FSIP1: variants seen among roughly 807,000 people sequenced by gnomAD.
FSIP1 encodes fibrous sheath-interacting protein 1.
FSIP1 carries 65 observed loss-of-function variants against 60.9 expected under a neutral mutation model. That is an observed-to-expected ratio of 1.07 (90% CI 0.87 to 1.31). The LOEUF is 1.31. Ranked by LOEUF, FSIP1 falls within the 40% of genes most tolerant of loss-of-function variation. The pLI is 0.00. For synonymous variants in FSIP1, 209 were observed against 221.2 expected (o/e 0.94, Z 0.49); for missense variants, 675 against 665.5 (o/e 1.01, Z -0.16).
At position 39,718,493 on chromosome 15, in the gene FSIP1, C is replaced by CTT. The variant is rs11422776; in HGVS notation, c.1051-4914_1051-4913dup. ...TTATCAATTTCATAAGCAGACAAACCTTTTTTTTTTTTTTTGAGACACGGT... is the reference window on the plus strand; with the variant it reads ...TTATCAATTTCATAAGCAGACAAACCTTTTTTTTTTTTTTTTTGAGACACGGT... On this transcript the variant is annotated intron_variant, in intron 9 of 11. Coordinates refer to ENST00000350221, the MANE Select transcript of FSIP1 (RefSeq NM_152597.5). Among the ~76,000 whole-genome samples, 290 of 139,292 alleles carry CTT rather than the reference C, an allele frequency of 2.1e-3. 10 individuals carry two copies. Among genetic ancestry groups the CTT allele is most frequent in the South Asian group, 3.9e-3 (17 of 4,414 alleles). The allele number at this position is 139,292 out of a possible 152,430, so 91.4% of individuals were successfully genotyped here.
downstream of FSIP1, chr15:39,598,703 G>A (rs987708996): frequency 3.9e-5 from 6 of 152,158 alleles, no homozygotes; most frequent in African/African-American, 1.2e-4. Flanking sequence ...ATGTCATCGA[G>A]ATGATAGCTT....
chr15:39,714,954 C>T (rs376628017), intron 9 of FSIP1, among the ~76,000 whole-genome samples: 3 of 109,362 alleles, frequency 2.7e-5, no homozygotes, highest in African/African-American at 1.0e-4. Flanking sequence ...GACTGGGCAA[C>T]AGAATGAGAC....
Position 39,600,900 on chromosome 15 carries a change from C to T in FSIP1, c.1726G>A (p.Glu576Lys), listed in dbSNP as rs1890615630. 2 of 1,611,048 alleles carry T rather than the reference C, an allele frequency of 1.2e-6. No individual in the cohort carries two copies. Among genetic ancestry groups the T allele is most frequent in the Non-Finnish European group, 1.7e-6 (2 of 1,179,008 alleles). Residue 576 changes from glutamate (E) to lysine (K), a missense_variant, in exon 12 of 12, where the codon GAA becomes AAA. Transcript: ENST00000350221. ...ADEQETKDAA[E>K]ECKEP Reference sequence around the variant, plus strand: ...CTTGATTAGGGTTCTTTACATTCTTCTGCTGCATCTTTAGTCTCCTGCTCA... The same window carrying T: ...CTTGATTAGGGTTCTTTACATTCTTTTGCTGCATCTTTAGTCTCCTGCTCA...
At chr15:39,654,233 G>A (rs1432223516) in intron 10 of FSIP1, among the ~76,000 whole-genome samples, 1 of 152,142 alleles carries the variant, frequency 6.6e-6, no homozygotes. Context: ...CAGTAATATA[G>A]TCATTTATTA....
downstream of FSIP1, among the ~76,000 whole-genome samples, chr15:39,599,710 AC>A (rs1405196255): frequency 6.6e-6 from 1 of 152,064 alleles, no homozygotes; most frequent in Non-Finnish European, 1.5e-5. Context: ...TCCCACCCAA[AC>A]CCTAAAACAC....
At chr15:39,721,423 C>T (rs1895973608) in intron 9 of FSIP1, among the ~76,000 whole-genome samples, 1 of 152,212 alleles carries the variant, frequency 6.6e-6, no homozygotes, top group African/African-American at 2.4e-5. Flanking sequence ...ATACACTTTC[C>T]GTACTTTTCA....
chr15:39,617,618 C>T (rs1047550709), intron 11 of FSIP1, 117 bp downstream of exon 11: 47 of 819,650 alleles, frequency 5.7e-5, no homozygotes, highest in Admixed American at 5.1e-4. Flanking sequence ...CTCTTATTGA[C>T]GCTACCTGTG....
intron 1 of FSIP1, 116 bp downstream of exon 1, chr15:39,782,512 C>A (rs1898307957): frequency 6.7e-6 from 1 of 148,288 alleles, no homozygotes; most frequent in Non-Finnish European, 1.5e-5. Flanking sequence ...TTGGCCCTGT[C>A]CGCTCTCCCT....
chr15:39,630,227 A>T (rs554904848), intron 10 of FSIP1, among the ~76,000 whole-genome samples: 1 of 152,370 alleles, frequency 6.6e-6, no homozygotes, highest in South Asian at 2.1e-4. Context: ...ACTGCTGAGA[A>T]TAAGGATACT....
At chr15:39,655,721 T>C (rs149589778) in intron 10 of FSIP1, among the ~76,000 whole-genome samples, 1 of 152,118 alleles carries the variant, frequency 6.6e-6, no homozygotes, top group Non-Finnish European at 1.5e-5. Flanking sequence ...AACCCCATCC[T>C]CCTTATTCAG....
chr15:39,658,549 C>G (rs939073874), intron 10 of FSIP1, among the ~76,000 whole-genome samples: 40 of 152,238 alleles, frequency 2.6e-4, no homozygotes, highest in African/African-American at 7.2e-4. Flanking sequence ...CGCAACTGGC[C>G]TAAACAGACA....
chr15:39,727,985 A>G (rs1595668639), intron 8 of FSIP1, among the ~76,000 whole-genome samples: 1 of 152,186 alleles, frequency 6.6e-6, no homozygotes, highest in African/African-American at 2.4e-5. Context: ...ATTTCTATAT[A>G]CCAGCAACAC....
In FSIP1 at chr15:39,600,583, T is replaced by C. The variant is rs1890603134; in HGVS notation, c.*297A>G. 1 of 242,152 alleles carries C rather than the reference T, an allele frequency of 4.1e-6. No individual in the cohort carries two copies. The highest frequency in any genetic ancestry group is 9.3e-5 in the South Asian group (1 of 10,704). 15.0% of individuals were successfully genotyped at this position (242,152 alleles called of 1,614,324 possible). On this transcript the variant is annotated 3_prime_UTR_variant, in exon 12 of 12. Transcript: ENST00000350221. The stretch of plus-strand genomic sequence containing the variant: ...ACAATCACAGCACTTCAACGAGTTT[T>C]ACCCTAACACGTATACATTAAAATG...
At chr15:39,604,033 G>C (rs1413995415) in intron 11 of FSIP1, among the ~76,000 whole-genome samples, 1 of 152,194 alleles carries the variant, frequency 6.6e-6, no homozygotes, top group Non-Finnish European at 1.5e-5. Context: ...CCGAGTTCAA[G>C]CGATTCTCCT....
At chr15:39,603,970 T>G (rs1315690390) in intron 11 of FSIP1, among the ~76,000 whole-genome samples, 1 of 152,170 alleles carries the variant, frequency 6.6e-6, no homozygotes, top group Non-Finnish European at 1.5e-5. Context: ...TTGTTGTTGT[T>G]GCCCAGGCTG....
At chr15:39,760,815 C>G (rs1315868997) in intron 5 of FSIP1, among the ~76,000 whole-genome samples, 3 of 152,172 alleles carry the variant, frequency 2.0e-5, no homozygotes, top group Middle Eastern at 3.4e-3. Context: ...ATGTTGATTT[C>G]TGAGTTTTGA....
At chr15:39,599,699 T>C (rs1890573656), downstream of FSIP1, among the ~76,000 whole-genome samples, 1 of 152,190 alleles carries the variant, frequency 6.6e-6, no homozygotes, top group African/African-American at 2.4e-5. Flanking sequence ...CCTCTGATTC[T>C]TCCCACCCAA....
At chr15:39,709,607 C>T (rs1381461427) in intron 10 of FSIP1, among the ~76,000 whole-genome samples, 1 of 151,958 alleles carries the variant, frequency 6.6e-6, no homozygotes, top group East Asian at 1.9e-4. Context: ...GATTTTAAAG[C>T]AATGAAATGA....
chr15:39,636,045 C>T (rs917472487), intron 10 of FSIP1, among the ~76,000 whole-genome samples: 2 of 152,158 alleles, frequency 1.3e-5, no homozygotes, highest in Admixed American at 6.5e-5. Context: ...GCTCTCCATA[C>T]CCATGATATA....
Sources: gnomAD v4.1 joint callset for allele counts (sites outside exome capture counted in the v4.1 genomes callset) on GRCh38, gnomAD v4.1.1 for gene constraint, MANE v1.5 for transcripts, NCBI Gene and HGNC (gene_info 2026-07-23, HGNC 2026-07-21) for gene names.